The following AGAP1 variants were observed in gnomAD, a reference collection of about 807,000 sequenced individuals.
AGAP1 encodes the protein arf-GAP with GTPase, ANK repeat and PH domain-containing protein 1.
A neutral mutation model predicts 105.3 loss-of-function variants in AGAP1; 29 were observed. That is an observed-to-expected ratio of 0.28 (90% CI 0.21 to 0.38). AGAP1 has a LOEUF of 0.38. Among genes scored for constraint, AGAP1 ranks in the 10% least tolerant of loss-of-function variants. AGAP1 has a pLI of 1.00. For missense variants in AGAP1, 998 were observed against 1,165.1 expected, an observed-to-expected ratio of 0.86 and a Z score of 2.09; for synonymous variants, 509 against 485.9, an observed-to-expected ratio of 1.05 and a Z score of -0.63.
intron 16 of AGAP1, among the ~76,000 whole-genome samples, chr2:236,102,157 C>T (rs1186897641): frequency 1.3e-5 from 2 of 152,186 alleles, no homozygotes; most frequent in Admixed American, 6.5e-5. Context: ...GTGGCTCACG[C>T]CTGTAATCCC....
At chr2:236,108,672 T>C (rs985221319) in intron 16 of AGAP1, among the ~76,000 whole-genome samples, 4 of 152,110 alleles carry the variant, frequency 2.6e-5, no homozygotes, top group African/African-American at 9.7e-5. Flanking sequence ...GAGTGCACTT[T>C]CGGGAAGGGG....
chr2:235,505,288 C>T (rs572980516), intron 1 of AGAP1, among the ~76,000 whole-genome samples: 10 of 152,184 alleles, frequency 6.6e-5, no homozygotes, highest in Non-Finnish European at 1.0e-4. Context: ...TTTGTTCCAG[C>T]GCTGTGTCCT....
intron 1 of AGAP1, among the ~76,000 whole-genome samples, chr2:235,667,928 C>G (rs1987283): frequency 0.031 from 4,513 of 143,344 alleles, 237 homozygotes; most frequent in African/African-American, 0.11. Flanking sequence ...ATTGAGCTCC[C>G]GACTGGGCAA....
intron 9 of AGAP1, among the ~76,000 whole-genome samples, chr2:235,835,713 C>T (rs1960077788): frequency 6.6e-6 from 1 of 152,302 alleles, no homozygotes; most frequent in Admixed American, 6.5e-5. Context: ...ACAACAAAAT[C>T]GTGTCTCCAT....
Position 236,082,275 on chromosome 2 carries a change from C to CA in AGAP1, c.2114+32995dup, listed in dbSNP as rs1293007428. Among the ~76,000 whole-genome samples, 1 of 152,214 alleles carries CA rather than the reference C, an allele frequency of 6.6e-6. No homozygotes were observed. The highest frequency in any genetic ancestry group is 1.5e-5 in the Non-Finnish European group (1 of 68,044). On this transcript the variant is annotated intron_variant, in intron 16 of 17. Transcript: ENST00000304032. The surrounding 1 kb of genome is among the most constrained non-coding windows in gnomAD (Gnocchi z 4.2). ...AAGTTATAGATGCAGATATTATTTG[C>CA]ACTGCGGTTAATTATGGAGCAATCA...
rs988212792 is a variant in AGAP1 at position 235,710,879 on chromosome 2, C to T, written c.222+1642C>T. ...TGGTGGTGATGGTGTGGATACAGCG[C>T]TGGCTCTGTGCGGGTCGTGTTCTAA... On this transcript the variant is annotated intron_variant, in intron 2 of 17. Transcript: ENST00000304032. 2.6e-5 allele frequency among the ~76,000 whole-genome samples: 4 copies of T among 152,330 alleles called. No homozygotes were observed. In the East Asian group the frequency reaches 5.8e-4, roughly 22 times the overall value.
chr2:236,116,021 T>C (rs1028600924), intron 16 of AGAP1, among the ~76,000 whole-genome samples: 2 of 152,138 alleles, frequency 1.3e-5, no homozygotes, highest in African/African-American at 4.8e-5. Flanking sequence ...GCCAGGCTGG[T>C]CTCAAACTCC....
At position 235,660,371 on chromosome 2, in the gene AGAP1, T is replaced by A. The variant is rs1316691080; in HGVS notation, c.164-48808T>A. 6.6e-6 allele frequency among the ~76,000 whole-genome samples: 1 copy of A among 152,172 alleles called. No homozygotes were observed. ...CTTGTTGGTAACATGACTGAGGCAT[T>A]ACCTGCACTGATTAAGTCAACCATC... is the stretch of plus-strand genomic sequence containing the variant. On this transcript the variant is annotated intron_variant, in intron 1 of 17. Coordinates refer to ENST00000304032, the MANE Select transcript of AGAP1 (RefSeq NM_001037131.3). The surrounding 1 kb of genome is among the most constrained non-coding windows in gnomAD (Gnocchi z 5.3).
At chr2:235,496,624 C>A (rs997970845) in intron 1 of AGAP1, among the ~76,000 whole-genome samples, 7 of 152,202 alleles carry the variant, frequency 4.6e-5, no homozygotes, top group African/African-American at 1.7e-4. Context: ...GCATGAAGAC[C>A]TCTGGCTGAG....
intron 11 of AGAP1, among the ~76,000 whole-genome samples, chr2:235,916,674 G>A (rs1052022375): frequency 5.3e-5 from 8 of 152,186 alleles, no homozygotes; most frequent in African/African-American, 1.9e-4. Flanking sequence ...CTATGGAGAA[G>A]AACACACGGC....
At chr2:235,805,375 AT>A (rs1957785165) in intron 8 of AGAP1, among the ~76,000 whole-genome samples, 1 of 152,090 alleles carries the variant, frequency 6.6e-6, no homozygotes. Context: ...CTGAGAATGG[AT>A]TGGCTGGGGG....
chr2:235,797,519 C>G (rs1311096224), intron 6 of AGAP1, among the ~76,000 whole-genome samples: 2 of 150,940 alleles, frequency 1.3e-5, no homozygotes, highest in Non-Finnish European at 2.9e-5. Flanking sequence ...TGCTCTCATC[C>G]TGCTGGCCAG....
At chr2:235,684,862 C>T (rs1323225248) in intron 1 of AGAP1, among the ~76,000 whole-genome samples, 1 of 152,168 alleles carries the variant, frequency 6.6e-6, no homozygotes, top group African/African-American at 2.4e-5. Flanking sequence ...ATTAGGAACA[C>T]CAGGGCCTAT....
rs73999433 is a variant in AGAP1 at position 236,050,028 on chromosome 2, A to G, written c.2114+747A>G. Among the ~76,000 whole-genome samples the G allele has an allele frequency of 0.086, 13,074 of 152,168 alleles. 1,844 individuals are homozygous for G. Among genetic ancestry groups the G allele is most frequent in the African/African-American group, 0.3 (12,281 of 41,476 alleles). ...GTGGCTTCCAGGGTTGCTCATTTTCACCCACAATAGGAAGTGGGAGGTTGA... is the reference window on the plus strand; with the variant it reads ...GTGGCTTCCAGGGTTGCTCATTTTCGCCCACAATAGGAAGTGGGAGGTTGA... On this transcript the variant is annotated intron_variant, in intron 16 of 17. Transcript: ENST00000304032. The surrounding 1 kb of genome is among the most constrained non-coding windows in gnomAD (Gnocchi z 4.0).
At chr2:235,527,399 C>G (rs1037541740) in intron 1 of AGAP1, among the ~76,000 whole-genome samples, 1 of 152,214 alleles carries the variant, frequency 6.6e-6, no homozygotes, top group African/African-American at 2.4e-5. Flanking sequence ...GAGACAGGGT[C>G]TCACTCTGTT....
intron 6 of AGAP1, among the ~76,000 whole-genome samples, chr2:235,790,159 T>C (rs2150001961): frequency 6.6e-6 from 1 of 152,262 alleles, no homozygotes; most frequent in South Asian, 2.1e-4. Context: ...AATTTCTCCT[T>C]GTGGGGTCGC....
In AGAP1 at chr2:235,551,904, G is replaced by C. The variant is rs150562703; in HGVS notation, c.163+57055G>C. Among the ~76,000 whole-genome samples the C allele has an allele frequency of 6.6e-6, 1 of 152,342 alleles. No individual in the cohort carries two copies. Among genetic ancestry groups the C allele is most frequent in the East Asian group, 1.9e-4 (1 of 5,186 alleles). ...AGGCGGCCACTGCTGTCTTTCAGCT[G>C]TGAGGAGCCAGGAGGGCGATCCCAG... On this transcript the variant is annotated intron_variant, in intron 1 of 17. Transcript: ENST00000304032. This position sits in a 1 kb window ranked among gnomAD's most constrained non-coding sequence, Gnocchi z 4.8.
rs1017710873 is a variant in AGAP1 at position 235,904,281 on chromosome 2, GCA to G, written c.1156-4454_1156-4453del. 8.5e-5 allele frequency among the ~76,000 whole-genome samples: 13 copies of G among 152,236 alleles called. No individual in the cohort carries two copies. Among genetic ancestry groups the G allele is most frequent in the African/African-American group, 3.1e-4 (13 of 41,462 alleles). ...AGCAGGGTTGCAGGGGGACAGCGAGGCACAGTTACCGAGCAATTGGCGGGTTC... is the reference window on the plus strand; with the variant it reads ...AGCAGGGTTGCAGGGGGACAGCGAGGCAGTTACCGAGCAATTGGCGGGTTC... On this transcript the variant is annotated intron_variant, in intron 10 of 17. Transcript: ENST00000304032. The surrounding 1 kb of genome is among the most constrained non-coding windows in gnomAD (Gnocchi z 4.2).
chr2:235,862,051 A>G (rs1164023806), intron 9 of AGAP1, among the ~76,000 whole-genome samples: 1 of 151,944 alleles, frequency 6.6e-6, no homozygotes, highest in Non-Finnish European at 1.5e-5. Flanking sequence ...AGCTTGTACT[A>G]CCGGATGGCT....
Sources: allele counts gnomAD v4.1 joint callset (sites outside exome capture counted in the v4.1 genomes callset), GRCh38; gene constraint gnomAD v4.1.1; non-coding constraint Gnocchi (gnomAD v3.1); transcripts MANE v1.5; gene names NCBI Gene and HGNC (gene_info 2026-07-23, HGNC 2026-07-21).